Variants in NUDT16 observed in about 807,000 individuals in gnomAD.
The protein encoded by NUDT16 is U8 snoRNA-decapping enzyme.
In NUDT16, 12 loss-of-function variants were observed where a neutral mutation model predicts 11.7. That is an observed-to-expected ratio of 1.03 (90% confidence interval 0.66 to 1.67). The LOEUF is 1.67. Among genes scored for constraint, NUDT16 ranks in the 40% most tolerant of loss-of-function variants. The pLI, the probability that NUDT16 is intolerant of heterozygous loss-of-function variation, is 0.00. For synonymous variants in NUDT16, 129 were observed against 122.6 expected, an observed-to-expected ratio of 1.05 and a Z score of -0.35; for missense variants, 303 against 268.9, an observed-to-expected ratio of 1.13 and a Z score of -0.89.
intron 2 of NUDT16, chr3:131,382,594 G>A: frequency 6.6e-7 from 1 of 1,515,338 alleles, no homozygotes; most frequent in Non-Finnish European, 8.8e-7. Context: ...CAGTGTGATA[G>A]ATTATCACAT....
chr3:131,386,650 G>A lies in NUDT16; in HGVS notation c.*3309G>A, dbSNP rs1217127539. On this transcript the variant is annotated 3_prime_UTR_variant, in exon 3 of 3. Coordinates refer to ENST00000521288, the MANE Select transcript of NUDT16 (RefSeq NM_152395.3). ...GGCCCAGCCGCCTCTCCACAAACAC[G>A]TGTTTCTGCCTTTCTCAGCATAATC... The A allele has an allele frequency of 1.3e-5, 2 of 152,268 alleles. No individual in the cohort carries two copies. Among genetic ancestry groups the A allele is most frequent in the African/African-American group, 4.8e-5 (2 of 41,438 alleles). The allele number at this position is 152,268 out of a possible 1,614,324, so 9.4% of individuals were successfully genotyped here.
chr3:131,382,056 G>T lies in NUDT16; in HGVS notation c.149G>T (p.Arg50Leu), dbSNP rs1169326491. 1.1e-5 allele frequency: 17 copies of T among 1,582,968 alleles called. No homozygotes were observed. Among genetic ancestry groups the T allele is most frequent in the Non-Finnish European group, 1.5e-5 (17 of 1,162,584 alleles). Reference protein sequence around the residue: ...PLRYAILMQMRFDGRLGFPGG... With the variant: ...PLRYAILMQMLFDGRLGFPGG... ...TTCCCCCTCCCGCAGATGCAGATGC[G>T]CTTCGATGGACGCCTGGGCTTCCCC... is the stretch of plus-strand genomic sequence containing the variant. The change falls in exon 2 of 3, where the codon CGC becomes CTC. Residue 50 changes from arginine (R) to leucine (L), a missense_variant. By Grantham distance (102) the Arg-to-Leu change is moderately radical. Transcript: ENST00000521288.
rs2097457641 is a variant in NUDT16, at chr3:131,383,647, C to T, written c.*306C>T. ...ATATACAATCTGTAACAACACACAG[C>T]CTGACACCTTCCCCTGGTCATGTCC... On this transcript the variant is annotated 3_prime_UTR_variant, in exon 3 of 3. Coordinates refer to ENST00000521288, the MANE Select transcript of NUDT16 (RefSeq NM_152395.3). The surrounding 1 kb of genome is among the most constrained non-coding windows in gnomAD (Gnocchi z 4.4). 1.7e-6 allele frequency: 1 copy of T among 585,354 alleles called. No individual in the cohort carries two copies. Among genetic ancestry groups the T allele is most frequent in the Non-Finnish European group, 3.0e-6 (1 of 329,968 alleles). 36.3% of individuals were successfully genotyped at this position (585,354 alleles called of 1,614,324 possible).
In NUDT16 at chr3:131,385,165, T is replaced by C. The variant is rs1455270006; in HGVS notation, c.*1824T>C. The C allele has an allele frequency of 2.0e-5, 3 of 152,180 alleles. No homozygotes were observed. Among genetic ancestry groups the C allele is most frequent in the Non-Finnish European group, 4.4e-5 (3 of 68,070 alleles). 9.4% of individuals were successfully genotyped at this position (152,180 alleles called of 1,614,324 possible). A position where few individuals can be genotyped will look rare whatever the true frequency, so the allele number is the denominator to read the frequency against. Reference sequence around the variant, plus strand: ...GGTGACTAGGGAGGGATTAGGAAATTAGAGGTCTTGACAAGATAGAAACTC... The same window carrying C: ...GGTGACTAGGGAGGGATTAGGAAATCAGAGGTCTTGACAAGATAGAAACTC... On this transcript the variant is annotated 3_prime_UTR_variant, in exon 3 of 3. Transcript: ENST00000521288.
rs2097459533 is a variant in NUDT16, at chr3:131,385,721, A to G, written c.*2380A>G. The G allele has an allele frequency of 1.3e-5, 2 of 152,262 alleles. No individual in the cohort carries two copies. Among genetic ancestry groups the G allele is most frequent in the South Asian group, 2.1e-4 (1 of 4,834 alleles). 9.4% of individuals were successfully genotyped at this position (152,262 alleles called of 1,614,324 possible). A position where few individuals can be genotyped will look rare whatever the true frequency, so the allele number is the denominator to read the frequency against. ...TACCCTGACCCTTTTGTCAAACGTTATCTAGATTAAACCTCAGTATAGGCA... is the reference window on the plus strand; with the variant it reads ...TACCCTGACCCTTTTGTCAAACGTTGTCTAGATTAAACCTCAGTATAGGCA... On this transcript the variant is annotated 3_prime_UTR_variant, in exon 3 of 3. Transcript: ENST00000521288.
In NUDT16 at chr3:131,384,459, A is replaced by G. The variant is rs2097458203; in HGVS notation, c.*1118A>G. 1 of 152,266 alleles carries G rather than the reference A, an allele frequency of 6.6e-6. No individual in the cohort carries two copies. The highest frequency in any genetic ancestry group is 2.4e-5 in the African/African-American group (1 of 41,432). The allele number at this position is 152,266 out of a possible 1,614,324, so 9.4% of individuals were successfully genotyped here. ...AGTTGGCCTTCAAGGGGCTCAGGTT[A>G]ATAATAGAGAGCTATGGAGTCAAGG... On this transcript the variant is annotated 3_prime_UTR_variant, in exon 3 of 3. Transcript: ENST00000521288.
chr3:131,383,385 G>A lies in NUDT16; in HGVS notation c.*44G>A. The A allele has an allele frequency of 6.2e-7, 1 of 1,611,868 alleles. No individual in the cohort carries two copies. The highest frequency in any genetic ancestry group is 8.5e-7 in the Non-Finnish European group (1 of 1,179,350). ...CCATGAAAACTGAGATGAGGACCTT[G>A]GTACTAGGGAGGGAGGGAAGGACGT... On this transcript the variant is annotated 3_prime_UTR_variant, in exon 3 of 3. Transcript: ENST00000521288. The surrounding 1 kb of genome is among the most constrained non-coding windows in gnomAD (Gnocchi z 4.4).
rs1400788446 is a variant in NUDT16 at position 131,388,806 on chromosome 3, CAAT to C, written c.*5468_*5470del. 3.3e-5 allele frequency: 5 copies of C among 152,136 alleles called. No homozygotes were observed. The highest frequency in any genetic ancestry group is 2.1e-4 in the South Asian group (1 of 4,822). The allele number at this position is 152,136 out of a possible 1,614,324, so 9.4% of individuals were successfully genotyped here. On this transcript the variant is annotated 3_prime_UTR_variant, in exon 3 of 3. Transcript: ENST00000521288. ...AGCATAATAAATATTTTATAAATAA[CAAT>C]AAATCATTTGATTTTATGCTAGTTC...
At position 131,387,725 on chromosome 3, in the gene NUDT16, C is replaced by T. The variant is rs2097460781; in HGVS notation, c.*4384C>T. The T allele has an allele frequency of 6.6e-6, 1 of 152,380 alleles. No homozygotes were observed. Among genetic ancestry groups the T allele is most frequent in the Non-Finnish European group, 1.5e-5 (1 of 68,160 alleles). 9.4% of individuals were successfully genotyped at this position (152,380 alleles called of 1,614,324 possible). On this transcript the variant is annotated 3_prime_UTR_variant, in exon 3 of 3. Transcript: ENST00000521288. Reference sequence around the variant, plus strand: ...ACAGTCCCAGTCCTCCCACCTTCTTCAGGTCTCTAGAAGACAGAACTGATG... The same window carrying T: ...ACAGTCCCAGTCCTCCCACCTTCTTTAGGTCTCTAGAAGACAGAACTGATG...
Position 131,388,353 on chromosome 3 carries a change from G to C in NUDT16, c.*5012G>C, listed in dbSNP as rs1176865494. 6.6e-6 allele frequency: 1 copy of C among 152,238 alleles called. No homozygotes were observed. The highest frequency in any genetic ancestry group is 1.5e-5 in the Non-Finnish European group (1 of 68,036). The allele number at this position is 152,238 out of a possible 1,614,324, so 9.4% of individuals were successfully genotyped here. ...CACATGTAACAGGAACAACATTTTA[G>C]AGGAAACAGGACAAAAACTTCCCTA... On this transcript the variant is annotated 3_prime_UTR_variant, in exon 3 of 3. Coordinates refer to ENST00000521288, the MANE Select transcript of NUDT16 (RefSeq NM_152395.3).
intron 1 of NUDT16, 43 bp from the exon 2 acceptor site, chr3:131,382,003 C>T (rs1472240540): frequency 1.9e-6 from 3 of 1,584,172 alleles, no homozygotes; most frequent in Non-Finnish European, 1.7e-6. Flanking sequence ...CTGGTGGTCT[C>T]CTCTGGGGCG....
intron 2 of NUDT16, chr3:131,382,729 G>C: frequency 7.2e-7 from 1 of 1,390,468 alleles, no homozygotes; most frequent in South Asian, 1.7e-5. Flanking sequence ...TCAAAATTTG[G>C]CAGGTAGCAG....
Position 131,382,207 on chromosome 3 carries a change from C to T in NUDT16, c.300C>T (p.Val100=), listed in dbSNP as rs755033956. The T allele has an allele frequency of 6.2e-7, 1 of 1,609,732 alleles. No individual in the cohort carries two copies. The highest frequency in any genetic ancestry group is 1.3e-5 in the African/African-American group (1 of 74,826). Residue 100 remains valine (V), a synonymous_variant, in exon 2 of 3, where the codon GTC becomes GTT. Transcript: ENST00000521288. ...GCACTGACTACCGCAGCTCCCACGT[C>T]GGGTCAGGGCCACGCGTTGTGGCCC... The part of the protein sequence containing the change: ...VERTDYRSSH[V]GSGPRVVAHF...
In NUDT16 at chr3:131,382,316, G is replaced by A. The variant is rs755121143; in HGVS notation, c.408+1G>A. The A allele has an allele frequency of 6.2e-7, 1 of 1,612,924 alleles. No individual in the cohort carries two copies. Among genetic ancestry groups the A allele is most frequent in the Non-Finnish European group, 8.5e-7 (1 of 1,180,036 alleles). On this transcript the variant is annotated splice_donor_variant, in intron 2 of 2. Coordinates refer to ENST00000521288, the MANE Select transcript of NUDT16 (RefSeq NM_152395.3). LOFTEE classifies it high-confidence loss of function. ...ACGCGCCAAGGACCACGGGCTGGAG[G>A]TGGGACCAGCCTGGGACTCTGTCCC...
chr3:131,387,486 G>T lies in NUDT16; in HGVS notation c.*4145G>T, dbSNP rs1013823476. The T allele has an allele frequency of 1.3e-5, 2 of 152,296 alleles. No homozygotes were observed. The highest frequency in any genetic ancestry group is 4.8e-5 in the African/African-American group (2 of 41,458). 9.4% of individuals were successfully genotyped at this position (152,296 alleles called of 1,614,324 possible). Reference sequence around the variant, plus strand: ...CAGCTCCCAGATGGAGGGAGTTTGTGTGTCTAGCATTTTCACCAAAGTGCT... The same window carrying T: ...CAGCTCCCAGATGGAGGGAGTTTGTTTGTCTAGCATTTTCACCAAAGTGCT... On this transcript the variant is annotated 3_prime_UTR_variant, in exon 3 of 3. Transcript: ENST00000521288.
At position 131,381,826 on chromosome 3, in the gene NUDT16, G is replaced by T. The variant is rs1282694328; in HGVS notation, c.22G>T (p.Glu8Ter). The stretch of plus-strand genomic sequence containing the variant: ...GGCCATGGCCGGAGCCCGCAGGCTG[G>T]AGCTAGGCGAGGCCCTGGCGCTGGG... Reference protein sequence around the residue: MAGARRLELGEALALGSG... With the variant: MAGARRL The change falls in exon 1 of 3, where the codon GAG becomes TAG. Residue 8 changes from glutamate to a stop codon, truncating the protein, a stop_gained. Coordinates refer to ENST00000521288, the MANE Select transcript of NUDT16 (RefSeq NM_152395.3). LOFTEE classifies it high-confidence loss of function. 3.8e-6 allele frequency: 6 copies of T among 1,576,790 alleles called. No individual in the cohort carries two copies. The highest frequency in any genetic ancestry group is 4.3e-6 in the Non-Finnish European group (5 of 1,168,018).
chr3:131,383,617 T>C lies in NUDT16; in HGVS notation c.*276T>C, dbSNP rs1015133106. On this transcript the variant is annotated 3_prime_UTR_variant, in exon 3 of 3. Coordinates refer to ENST00000521288, the MANE Select transcript of NUDT16 (RefSeq NM_152395.3). The surrounding 1 kb of genome is among the most constrained non-coding windows in gnomAD (Gnocchi z 4.4). ...CGTACAGCCTGGTAACCCCCAGGCATGCAAATATACAATCTGTAACAACAC... is the reference window on the plus strand; with the variant it reads ...CGTACAGCCTGGTAACCCCCAGGCACGCAAATATACAATCTGTAACAACAC... 60 of 617,162 alleles carry C rather than the reference T, an allele frequency of 9.7e-5. No individual in the cohort carries two copies. Among genetic ancestry groups the C allele is most frequent in the Non-Finnish European group, 1.6e-4 (55 of 353,912 alleles). The allele number at this position is 617,162 out of a possible 1,614,324, so 38.2% of individuals were successfully genotyped here.
In NUDT16 at chr3:131,388,711, A is replaced by T. The variant is rs1475126323; in HGVS notation, c.*5370A>T. The T allele has an allele frequency of 1.3e-5, 2 of 152,226 alleles. No individual in the cohort carries two copies. Among genetic ancestry groups the T allele is most frequent in the Admixed American group, 1.3e-4 (2 of 15,282 alleles). The allele number at this position is 152,226 out of a possible 1,614,324, so 9.4% of individuals were successfully genotyped here. On this transcript the variant is annotated 3_prime_UTR_variant, in exon 3 of 3. Transcript: ENST00000521288. ...AGTGGCTCCTATTATGTACAATTTTAGTGCTAAGTACTGTGTTAATGATGG... is the reference window on the plus strand; with the variant it reads ...AGTGGCTCCTATTATGTACAATTTTTGTGCTAAGTACTGTGTTAATGATGG...
rs1245325824 is a variant in NUDT16 at position 131,382,149 on chromosome 3, T to A, written c.242T>A (p.Leu81Gln). 1 of 1,611,784 alleles carries A rather than the reference T, an allele frequency of 6.2e-7. No individual in the cohort carries two copies. Among genetic ancestry groups the A allele is most frequent in the Non-Finnish European group, 8.5e-7 (1 of 1,179,362 alleles). ...CTGAACCGCGAGCTGCGCGAGGAGC[T>A]GGGCGAAGCGGCTGCCGCTTTCCGC... ...DGLNRELREE[L>Q]GEAAAAFRVE... Residue 81 changes from leucine (L) to glutamine (Q), a missense_variant, in exon 2 of 3, where the codon CTG (leucine) becomes CAG (glutamine). Leu to Gln is a moderately radical substitution (Grantham distance 113, BLOSUM62 -2). Coordinates refer to ENST00000521288, the MANE Select transcript of NUDT16 (RefSeq NM_152395.3).
Sources: allele counts gnomAD v4.1 joint callset, GRCh38; gene constraint gnomAD v4.1.1; non-coding constraint Gnocchi (gnomAD v3.1); transcripts MANE v1.5; gene names NCBI Gene and HGNC (gene_info 2026-07-23, HGNC 2026-07-21).